LINGO2: variants seen among roughly 807,000 people sequenced by gnomAD.
LINGO2 encodes leucine-rich repeat and immunoglobulin-like domain-containing nogo receptor-interacting protein 2.
Under a neutral mutation model 30.6 loss-of-function variants are expected in LINGO2, and 14 were observed. The observed-to-expected ratio is 0.46, with a 90% CI of 0.30 to 0.72. LINGO2 has a LOEUF of 0.72. LINGO2 is among the 30% of genes least tolerant of loss of function. LINGO2 has a pLI of 0.07. For missense variants in LINGO2, 729 were observed against 751.7 expected (o/e 0.97, Z 0.35); for synonymous variants, 317 against 288.5 (o/e 1.10, Z -1.00).
intron 1 of LINGO2, among the ~76,000 whole-genome samples, chr9:28,665,974 C>T (rs1423666229): frequency 6.6e-6 from 1 of 150,462 alleles, no homozygotes; most frequent in African/African-American, 2.4e-5. Context: ...CTCACTGCAA[C>T]CTCCGCCTCT....
At chr9:28,742,583 A>G in the LINGO2 span, among the ~76,000 whole-genome samples, 1 of 151,710 alleles carries the variant, frequency 6.6e-6, no homozygotes, top group Non-Finnish European at 1.5e-5. Flanking sequence ...TCTTTGCACT[A>G]TCTCTCTTAT....
intron 4 of LINGO2, among the ~76,000 whole-genome samples, chr9:28,120,267 C>T (rs1001222666): frequency 1.3e-5 from 2 of 152,208 alleles, no homozygotes; most frequent in African/African-American, 4.8e-5. Flanking sequence ...ATTGGAGGTA[C>T]TGTGAATAAT....
chr9:28,721,821 T>TA, the LINGO2 span, among the ~76,000 whole-genome samples: 145 of 143,870 alleles, frequency 1.0e-3, no homozygotes, highest in Admixed American at 2.0e-3. Flanking sequence ...TAAAGTAAAA[T>TA]AAAAAAAAAA....
At chr9:28,761,232 A>G in the LINGO2 span, among the ~76,000 whole-genome samples, 2 of 152,112 alleles carry the variant, frequency 1.3e-5, no homozygotes, top group Non-Finnish European at 2.9e-5. Context: ...CAAAGAAAAA[A>G]GAAACCGACA....
chr9:27,954,663 A>G (rs753490741), intron 5 of LINGO2, among the ~76,000 whole-genome samples: 8 of 152,172 alleles, frequency 5.3e-5, no homozygotes, highest in Admixed American at 2.0e-4. Flanking sequence ...ATGGGCATAC[A>G]GATATACCTT....
At chr9:29,146,174 G>A in the LINGO2 span, among the ~76,000 whole-genome samples, 952 of 152,140 alleles carry the variant, frequency 6.3e-3, 14 homozygotes, top group African/African-American at 0.022. Context: ...TGGCCAACAT[G>A]GTGAAACCCC....
chr9:28,725,700 A>C, the LINGO2 span, among the ~76,000 whole-genome samples: 1 of 152,062 alleles, frequency 6.6e-6, no homozygotes, highest in South Asian at 2.1e-4. Flanking sequence ...TAAAACAATA[A>C]ATGTAAATAA....
intron 4 of LINGO2, among the ~76,000 whole-genome samples, chr9:28,088,457 A>G (rs1825978127): frequency 6.6e-6 from 1 of 152,056 alleles, no homozygotes; most frequent in Non-Finnish European, 1.5e-5. Flanking sequence ...ACACCATAGT[A>G]ATCTGCATTC....
intron 4 of LINGO2, among the ~76,000 whole-genome samples, chr9:28,294,658 T>A (rs1020928815): frequency 6.6e-6 from 1 of 152,112 alleles, no homozygotes; most frequent in African/African-American, 2.4e-5. Context: ...ATGTTTTAAA[T>A]CCTCAGAGCC....
chr9:28,425,804 C>T (rs573388432), intron 2 of LINGO2, among the ~76,000 whole-genome samples: 274 of 152,124 alleles, frequency 1.8e-3, no homozygotes, highest in African/African-American at 6.3e-3. Context: ...TGTTATCACA[C>T]CGTATTGTCC....
At chr9:28,090,928 A>T (rs1364666981) in intron 4 of LINGO2, among the ~76,000 whole-genome samples, 1 of 152,162 alleles carries the variant, frequency 6.6e-6, no homozygotes, top group Non-Finnish European at 1.5e-5. Context: ...TAACAGACAA[A>T]CAGAGAGCCA....
At chr9:28,494,525 T>C (rs1468582619) in intron 1 of LINGO2, among the ~76,000 whole-genome samples, 2 of 152,146 alleles carry the variant, frequency 1.3e-5, no homozygotes, top group Non-Finnish European at 2.9e-5. Flanking sequence ...GCTTCATCCA[T>C]GTCCCTACAA....
At position 28,002,654 on chromosome 9, in the gene LINGO2, T is replaced by C. The variant is rs140639183; in HGVS notation, c.-36+9701A>G. 1.4e-3 allele frequency among the ~76,000 whole-genome samples: 217 copies of C among 152,310 alleles called. 1 individual carries two copies. Among genetic ancestry groups the C allele is most frequent in the African/African-American group, 4.9e-3 (202 of 41,570 alleles). ...GACAGAGACCCTTAAACAAAGCCAA[T>C]GTATATGGAGATATTTAAGTACAAG... On this transcript the variant is annotated intron_variant, in intron 5 of 5. Coordinates refer to ENST00000379992, the Ensembl canonical transcript of LINGO2.
intron 2 of LINGO2, among the ~76,000 whole-genome samples, chr9:28,380,436 C>G (rs1318211421): frequency 6.9e-6 from 1 of 145,700 alleles, no homozygotes; most frequent in East Asian, 2.0e-4. Context: ...TACAATACTT[C>G]ATGGAGAAAA....
chr9:28,470,165 G>A (rs1312045150), intron 2 of LINGO2, among the ~76,000 whole-genome samples: 1 of 152,136 alleles, frequency 6.6e-6, no homozygotes, highest in African/African-American at 2.4e-5. Flanking sequence ...GGAGATTGAT[G>A]TTGGTGATAG....
At chr9:28,493,243 T>G (rs1450319097) in intron 1 of LINGO2, among the ~76,000 whole-genome samples, 1 of 152,174 alleles carries the variant, frequency 6.6e-6, no homozygotes, top group African/African-American at 2.4e-5. Flanking sequence ...GGGAATCCCT[T>G]TGTTAATACT....
chr9:28,035,893 A>AC (rs1823908825), intron 4 of LINGO2, among the ~76,000 whole-genome samples: 2 of 149,198 alleles, frequency 1.3e-5, no homozygotes, highest in African/African-American at 4.9e-5. Flanking sequence ...CACACACACA[A>AC]ACACACACAC....
exon 6 of LINGO2, chr9:27,949,625 G>A (rs1332950481): frequency 5.0e-6 from 8 of 1,614,078 alleles, no homozygotes; most frequent in Non-Finnish European, 6.8e-6. Flanking sequence ...TAATGCTCAA[G>A]ACCTCCAGAG....
chr9:28,352,179 G>T (rs1360536077), intron 3 of LINGO2, among the ~76,000 whole-genome samples: 13 of 151,942 alleles, frequency 8.6e-5, no homozygotes, highest in East Asian at 1.9e-4. Flanking sequence ...GGAAATAAAG[G>T]GTATTCAGTT....
Sources: gnomAD v4.1 joint callset for allele counts (sites outside exome capture counted in the v4.1 genomes callset) on GRCh38, gnomAD v4.1.1 for gene constraint, MANE v1.5 for transcripts, NCBI Gene and HGNC (gene_info 2026-07-23, HGNC 2026-07-21) for gene names.